Variants in SLC29A4 observed in about 807,000 individuals in gnomAD.
The protein encoded by SLC29A4 is equilibrative nucleoside transporter 4.
Under a neutral mutation model 43.9 loss-of-function variants are expected in SLC29A4, and 36 were observed. The ratio of observed to expected loss-of-function variants is 0.82; its 90% CI spans 0.63 to 1.08. The LOEUF (loss-of-function observed/expected upper bound fraction) is 1.08, where lower values mean the gene tolerates loss of function less well. SLC29A4 is among the 50% of genes least tolerant of loss of function. The pLI is 0.00. For synonymous variants in SLC29A4, 491 were observed against 338.0 expected, an observed-to-expected ratio of 1.45 and a Z score of -4.97; for missense variants, 869 against 755.3, an observed-to-expected ratio of 1.15 and a Z score of -1.77.
intron 5 of SLC29A4, 149 bp from the exon 6 acceptor site, chr7:5,294,711 C>G: frequency 1.3e-6 from 1 of 797,358 alleles, no homozygotes; most frequent in Non-Finnish European, 2.2e-6. Flanking sequence ...GCTGGTGTTC[C>G]TACTGCTGCG....
intron 10 of SLC29A4, among the ~76,000 whole-genome samples, chr7:5,301,043 G>T (rs1451212573): frequency 6.6e-6 from 1 of 152,168 alleles, no homozygotes; most frequent in Non-Finnish European, 1.5e-5. Flanking sequence ...TGGATCACTT[G>T]AGCCCAGGAG....
At chr7:5,291,365 G>C (rs1785299605) in intron 4 of SLC29A4, 128 bp downstream of exon 4, 1 of 930,534 alleles carries the variant, frequency 1.1e-6, no homozygotes, top group African/African-American at 1.6e-5. Context: ...TCCTAGGGCT[G>C]CCCTGAGGTC....
At chr7:5,291,296 TCACC>T (rs1785296415) in intron 4 of SLC29A4, 59 bp downstream of exon 4, 1 of 1,451,386 alleles carries the variant, frequency 6.9e-7, no homozygotes, top group Non-Finnish European at 9.5e-7. Flanking sequence ...GCCTGGCCGG[TCACC>T]CACTCACCCA....
intron 5 of SLC29A4, among the ~76,000 whole-genome samples, chr7:5,294,647 C>A (rs1417842513): frequency 6.6e-6 from 1 of 152,166 alleles, no homozygotes. Flanking sequence ...TTTCTGCAGA[C>A]GTTTCATCTG....
At chr7:5,293,621 T>TA (rs1044585305) in intron 5 of SLC29A4, among the ~76,000 whole-genome samples, 1 of 151,906 alleles carries the variant, frequency 6.6e-6, no homozygotes, top group African/African-American at 2.4e-5. Flanking sequence ...TCTGTTTTGT[T>TA]AAAAAACAAA....
Position 5,291,104 on chromosome 7 carries a change from C to A in SLC29A4, c.302-20C>A. 1 of 1,611,716 alleles carries A rather than the reference C, an allele frequency of 6.2e-7. No individual in the cohort carries two copies. Among genetic ancestry groups the A allele is most frequent in the Non-Finnish European group, 8.5e-7 (1 of 1,178,390 alleles). ...GGGGTGGGGCCTCCCTGAGCACCTG[C>A]TGTCTCTGGCCCTCTGCAGGGACCT... On this transcript the variant is annotated intron_variant, in intron 3 of 10. Coordinates refer to ENST00000396872, the MANE Select transcript of SLC29A4 (RefSeq NM_153247.4).
intron 9 of SLC29A4, among the ~76,000 whole-genome samples, chr7:5,300,009 G>T (rs1259894665): frequency 6.6e-6 from 1 of 152,146 alleles, no homozygotes; most frequent in African/African-American, 2.4e-5. Context: ...CCGAGATCGT[G>T]CCACTGCACT....
At chr7:5,292,502 A>G (rs1332850827) in intron 5 of SLC29A4, among the ~76,000 whole-genome samples, 1 of 151,948 alleles carries the variant, frequency 6.6e-6, no homozygotes, top group Non-Finnish European at 1.5e-5. Flanking sequence ...GAAGTCCCAT[A>G]CGAGCACTCT....
intron 10 of SLC29A4, among the ~76,000 whole-genome samples, chr7:5,301,319 T>C (rs1158606670): frequency 1.3e-5 from 2 of 149,516 alleles, no homozygotes; most frequent in African/African-American, 4.9e-5. Context: ...GTAAGTCCTA[T>C]GGGGAAAAAT....
chr7:5,295,606 A>G lies in SLC29A4; in HGVS notation c.619+672A>G, dbSNP rs909670324. On this transcript the variant is annotated intron_variant, in intron 6 of 10. Coordinates refer to ENST00000396872, the MANE Select transcript of SLC29A4 (RefSeq NM_153247.4). ...AAGCCCCTCCCTCTCAGGGTTCCCA[A>G]TCTTCCTTCTGTGCCTGGACTGGCC... Among the ~76,000 whole-genome samples, 30 of 152,098 alleles carry G rather than the reference A, an allele frequency of 2.0e-4. 1 individual carries two copies. The highest frequency in any genetic ancestry group is 4.6e-4 in the Admixed American group (7 of 15,272).
At chr7:5,286,598 C>G (rs1583646348) in intron 1 of SLC29A4, among the ~76,000 whole-genome samples, 1 of 152,124 alleles carries the variant, frequency 6.6e-6, no homozygotes, top group African/African-American at 2.4e-5. Context: ...ACAGGGCTGC[C>G]CACACAGTGC....
At position 5,301,964 on chromosome 7, in the gene SLC29A4, C is replaced by T. The variant is rs113914330; in HGVS notation, c.1451-833C>T. Among the ~76,000 whole-genome samples, 348 of 151,220 alleles carry T rather than the reference C, an allele frequency of 2.3e-3. 5 individuals carry two copies. Among genetic ancestry groups the T allele is most frequent in the African/African-American group, 7.9e-3 (325 of 40,922 alleles). On this transcript the variant is annotated intron_variant, in intron 10 of 10. Coordinates refer to ENST00000396872, the MANE Select transcript of SLC29A4 (RefSeq NM_153247.4). ...AGTCGGAGAGTGGAGATTTTTTTTTCTTTTTAGATGGAGTCTTGCTCTGTT... is the reference window on the plus strand; with the variant it reads ...AGTCGGAGAGTGGAGATTTTTTTTTTTTTTTAGATGGAGTCTTGCTCTGTT...
At chr7:5,301,983 C>A (rs968500386) in intron 10 of SLC29A4, among the ~76,000 whole-genome samples, 2 of 152,062 alleles carry the variant, frequency 1.3e-5, no homozygotes, top group Admixed American at 6.6e-5. Flanking sequence ...TGGAGTCTTG[C>A]TCTGTTCCCC....
At chr7:5,287,517 G>T (rs10951879) in intron 1 of SLC29A4, among the ~76,000 whole-genome samples, 70,276 of 151,984 alleles carry the variant, frequency 0.46, 17,984 homozygotes, top group Non-Finnish European at 0.58. Flanking sequence ...CCCCCCAGGG[G>T]ATACAGTCCC....
Position 5,296,971 on chromosome 7 carries a change from C to A in SLC29A4, c.655C>A (p.Leu219Ile). ...CGTGATGATCTCTCTGAGCCGCATC[C>A]TCACGAAGCTGCTGCTGCCCGACGA... Reference protein sequence around the residue: ...AGVMISLSRILTKLLLPDERA... With the variant: ...AGVMISLSRIITKLLLPDERA... The change falls in exon 7 of 11, where the codon CTC becomes ATC. Residue 219 changes from leucine (L) to isoleucine (I), a missense_variant. Physicochemically the swap from Leu to Ile is conservative, Grantham distance 5 (BLOSUM62 2). Transcript: ENST00000396872. 6.2e-7 allele frequency: 1 copy of A among 1,600,316 alleles called. No individual in the cohort carries two copies. Among genetic ancestry groups the A allele is most frequent in the Non-Finnish European group, 8.5e-7 (1 of 1,179,116 alleles).
At chr7:5,300,219 G>A (rs1053615662) in intron 9 of SLC29A4, among the ~76,000 whole-genome samples, 19 of 152,172 alleles carry the variant, frequency 1.2e-4, no homozygotes, top group South Asian at 2.1e-4. Flanking sequence ...GGGATAGACC[G>A]ATACACTGAC....
chr7:5,290,355 G>C (rs1233686473), intron 2 of SLC29A4, among the ~76,000 whole-genome samples: 1 of 151,772 alleles, frequency 6.6e-6, no homozygotes, highest in African/African-American at 2.4e-5. Context: ...GAGCCACGGC[G>C]CCTGGCCATT....
chr7:5,282,949 C>G lies in SLC29A4; in HGVS notation c.-142C>G, dbSNP rs1379731075. On this transcript the variant is annotated 5_prime_UTR_variant, in exon 1 of 11. Transcript: ENST00000396872. The stretch of plus-strand genomic sequence containing the variant: ...GGGGCGTGGTGGCCTGGGCTGTGCT[C>G]GTCGCCGCGCTCGTGGACCGGGGCC... 2.8e-5 allele frequency: 3 copies of G among 106,034 alleles called. No homozygotes were observed. Among genetic ancestry groups the G allele is most frequent in the South Asian group, 3.4e-4 (1 of 2,942 alleles). The allele number at this position is 106,034 out of a possible 1,614,324, so 6.6% of individuals were successfully genotyped here. A position where few individuals can be genotyped will look rare whatever the true frequency, so the allele number is the denominator to read the frequency against.
chr7:5,299,777 G>A (rs771690268), intron 9 of SLC29A4, among the ~76,000 whole-genome samples: 2 of 152,236 alleles, frequency 1.3e-5, no homozygotes, highest in Admixed American at 6.5e-5. Context: ...ATGGCCAGGT[G>A]CAGTGGCTTA....
Sources: gnomAD v4.1 joint callset for allele counts (sites outside exome capture counted in the v4.1 genomes callset) on GRCh38, gnomAD v4.1.1 for gene constraint, MANE v1.5 for transcripts, NCBI Gene and HGNC (gene_info 2026-07-23, HGNC 2026-07-21) for gene names.